BORCS8: variants seen among roughly 807,000 people sequenced by gnomAD.
The protein encoded by BORCS8 is BLOC-1 related complex subunit 8.
A neutral mutation model predicts 18.7 loss-of-function variants in BORCS8; 13 were observed. The ratio of observed to expected loss-of-function variants is 0.70; its 90% confidence interval spans 0.45 to 1.11. The LOEUF is 1.11. Ranked by LOEUF, BORCS8 falls within the 50% of genes least tolerant of loss-of-function variation. The pLI is 0.00. For missense variants in BORCS8, 165 were observed against 165.7 expected (o/e 1.00, Z 0.02); for synonymous variants, 68 against 64.8 (o/e 1.05, Z -0.24).
intron 5 of BORCS8, chr19:19,177,696 GAGAAAAGAAAAGAAAAGAAAAGAAA>G (rs1160218288): frequency 2.7e-5 from 2 of 74,650 alleles, no homozygotes; most frequent in Admixed American, 1.7e-4. Context: ...AAGGAAGGAA[GAGAAAAGAAAAGAAAAGAAAAGAAA>G]AGAAAAGAAA....
chr19:19,185,487 AC>A (rs2060397363), intron 3 of BORCS8, among the ~76,000 whole-genome samples: 2 of 152,232 alleles, frequency 1.3e-5, no homozygotes, highest in South Asian at 4.1e-4. Context: ...GAAGTTTGAG[AC>A]CAGCCTGGCC....
At chr19:19,184,774 A>G (rs944385023) in intron 3 of BORCS8, among the ~76,000 whole-genome samples, 3 of 150,302 alleles carry the variant, frequency 2.0e-5, no homozygotes, top group African/African-American at 7.4e-5. Flanking sequence ...TAGTTTTTGT[A>G]TTTTTTGTAG....
At chr19:19,185,924 T>G in intron 3 of BORCS8, 110 bp downstream of exon 3, 1 of 1,118,142 alleles carries the variant, frequency 8.9e-7, no homozygotes, top group East Asian at 2.6e-5. Flanking sequence ...CCCACTCGGG[T>G]AGGCCTGGCA....
At chr19:19,177,696 G>GGAAGGAAGGAA (rs1376064847) in intron 5 of BORCS8, 6 of 74,650 alleles carry the variant, frequency 8.0e-5, no homozygotes, top group African/African-American at 3.1e-4. Flanking sequence ...AAGGAAGGAA[G>GGAAGGAAGGAA]AGAAAAGAAA....
chr19:19,184,288 GTT>G (rs1222591686), intron 3 of BORCS8, among the ~76,000 whole-genome samples: 4 of 140,694 alleles, frequency 2.8e-5, no homozygotes, highest in African/African-American at 1.0e-4. Context: ...TTTTTTGTTG[GTT>G]TTTTTTTTTC....
At position 19,177,322 on chromosome 19, in the gene BORCS8, A is replaced by G. The variant is rs2060299184; in HGVS notation, c.*181T>C. 6.6e-6 allele frequency: 1 copy of G among 152,216 alleles called. No individual in the cohort carries two copies. Among genetic ancestry groups the G allele is most frequent in the Admixed American group, 6.6e-5 (1 of 15,260 alleles). The allele number at this position is 152,216 out of a possible 1,614,324, so 9.4% of individuals were successfully genotyped here. A position where few individuals can be genotyped will look rare whatever the true frequency, so the allele number is the denominator to read the frequency against. On this transcript the variant is annotated 3_prime_UTR_variant, in exon 6 of 6. Transcript: ENST00000462790. ...GAGAAGGTGCAGTCCAGCCTTCCTT[A>G]TCCAGATGAAGAAAGGGAGAACCAA...
intron 5 of BORCS8, chr19:19,177,697 A>AAGGAAGGAAGG (rs1568562053): frequency 3.7e-4 from 8 of 21,766 alleles, no homozygotes; most frequent in African/African-American, 1.6e-3. Flanking sequence ...AGGAAGGAAG[A>AAGGAAGGAAGG]GAAAAGAAAA....
At chr19:19,190,152 G>A (rs995040877) in intron 1 of BORCS8, among the ~76,000 whole-genome samples, 6 of 152,138 alleles carry the variant, frequency 3.9e-5, no homozygotes, top group African/African-American at 1.4e-4. Flanking sequence ...GAGGACCTTG[G>A]CAGGCATTTT....
chr19:19,177,565 G>A (rs2060301136), intron 5 of BORCS8, 105 bp from the exon 6 acceptor site: 1 of 153,950 alleles, frequency 6.5e-6, no homozygotes, highest in Admixed American at 6.6e-5. Flanking sequence ...GGAGGCAGAG[G>A]TTGCAGTGAG....
At chr19:19,189,830 C>G (rs1382497253) in intron 1 of BORCS8, among the ~76,000 whole-genome samples, 2 of 151,896 alleles carry the variant, frequency 1.3e-5, no homozygotes, top group East Asian at 1.9e-4. Flanking sequence ...GGTGGGAGGA[C>G]TGCTTGGGTC....
intron 5 of BORCS8, 176 bp from the exon 6 acceptor site, chr19:19,177,636 AGAAAGAAGGAAGGAAGGAAGGAAGGAAG>A (rs1568561510): frequency 7.4e-6 from 1 of 134,420 alleles, no homozygotes; most frequent in Admixed American, 8.8e-5. Flanking sequence ...AAAGAAAGAA[AGAAAGAAGGAAGGAAGGAAGGAAGGAAG>A]GAAGGAAGGA....
Position 19,182,537 on chromosome 19 carries a change from G to A in BORCS8, c.326+36C>T, listed in dbSNP as rs1466713788. ...AGCTGAGAGACGGTCCTTGCAGCTGGGAGTGGCAGTGGGGGCGGGCGGTCC... is the reference window on the plus strand; with the variant it reads ...AGCTGAGAGACGGTCCTTGCAGCTGAGAGTGGCAGTGGGGGCGGGCGGTCC... On this transcript the variant is annotated intron_variant, in intron 4 of 5. Transcript: ENST00000462790. This position sits in a 1 kb window ranked among gnomAD's most constrained non-coding sequence, Gnocchi z 4.1. 1.3e-6 allele frequency: 2 copies of A among 1,542,726 alleles called. No individual in the cohort carries two copies. The highest frequency in any genetic ancestry group is 2.0e-5 in the Admixed American group (1 of 50,048).
chr19:19,177,640 A>AGAAG (rs1212671462), intron 5 of BORCS8, 180 bp from the exon 6 acceptor site: 2,545 of 103,008 alleles, frequency 0.025, 94 homozygotes, highest in Non-Finnish European at 0.03. Context: ...AAAGAAAGAA[A>AGAAG]GAAGGAAGGA....
intron 4 of BORCS8, among the ~76,000 whole-genome samples, chr19:19,181,023 C>T (rs149545019): frequency 0.011 from 1,651 of 151,912 alleles, 27 homozygotes; most frequent in African/African-American, 0.038. Flanking sequence ...GGCGAAACCC[C>T]GTCTCTACTA....
At chr19:19,180,501 T>C (rs1214824936) in intron 5 of BORCS8, 185 bp downstream of exon 5, 2 of 612,420 alleles carry the variant, frequency 3.3e-6, no homozygotes, top group South Asian at 1.9e-5. Flanking sequence ...ACATGGTCCC[T>C]GAGCAGCAGG....
At chr19:19,181,973 G>C (rs1159872065) in intron 4 of BORCS8, 1 of 985,448 alleles carries the variant, frequency 1.0e-6, no homozygotes. Flanking sequence ...CAAGGACTGT[G>C]AGTGCTTTTC....
In BORCS8 at chr19:19,182,453, AC is replaced by A; in HGVS notation, c.326+119del. 6.9e-7 allele frequency: 1 copy of A among 1,452,232 alleles called. No homozygotes were observed. Among genetic ancestry groups the A allele is most frequent in the Non-Finnish European group, 9.1e-7 (1 of 1,103,282 alleles). 90.0% of individuals were successfully genotyped at this position (1,452,232 alleles called of 1,614,324 possible). Reference sequence around the variant, plus strand: ...ACAGGACAAGAGGAGGTCACCAGACACCAGGACAAAAGGAAAGAGACAGTTT... The same window carrying A: ...ACAGGACAAGAGGAGGTCACCAGACACAGGACAAAAGGAAAGAGACAGTTT... On this transcript the variant is annotated intron_variant, in intron 4 of 5. Transcript: ENST00000462790. The surrounding 1 kb of genome is among the most constrained non-coding windows in gnomAD (Gnocchi z 4.1).
chr19:19,178,136 GC>G (rs943200003), intron 5 of BORCS8: 5 of 152,454 alleles, frequency 3.3e-5, no homozygotes, highest in African/African-American at 1.2e-4. Context: ...GAAGACTTTA[GC>G]CCAGGGCCAG....
At position 19,186,085 on chromosome 19, in the gene BORCS8, C is replaced by T. The variant is rs574557636; in HGVS notation, c.164G>A (p.Arg55His). ...ELAQHKADMQ[R>H]WEEQSQGAIY... ...GGCTCCCTGGCTCTGCTCCTCCCAA[C>T]GCTGCATGTCTGCCTGTAGGGGGCG... Residue 55 changes from arginine to histidine, a missense_variant, in exon 3 of 6, where the codon CGT (arginine) becomes CAT (histidine). Physicochemically the swap from Arg to His is conservative, Grantham distance 29. Transcript: ENST00000462790. 4.4e-5 allele frequency: 68 copies of T among 1,550,658 alleles called. No homozygotes were observed. In the East Asian group the frequency reaches 7.6e-4, roughly 17 times the overall value.
Sources: allele counts gnomAD v4.1 joint callset (sites outside exome capture counted in the v4.1 genomes callset), GRCh38; gene constraint gnomAD v4.1.1; non-coding constraint Gnocchi (gnomAD v3.1); transcripts MANE v1.5; gene names NCBI Gene and HGNC (gene_info 2026-07-23, HGNC 2026-07-21).